The following PRIM2 variants were observed in gnomAD, a reference collection of about 807,000 sequenced individuals.
The protein encoded by PRIM2 is DNA primase subunit 2, also known as DNA primase large subunit.
A neutral mutation model predicts 67.3 loss-of-function variants in PRIM2; 39 were observed. The observed-to-expected ratio is 0.58, with a 90% confidence interval of 0.45 to 0.76. PRIM2 has a LOEUF of 0.76. Ranked by LOEUF, PRIM2 falls within the 30% of genes least tolerant of loss-of-function variation. The probability of loss-of-function intolerance (pLI) is 0.00; values close to 1 mark genes in which losing one functional copy is unlikely to be tolerated. For synonymous variants in PRIM2, 143 were observed against 198.7 expected (o/e 0.72, Z 2.36); for missense variants, 398 against 598.7 (o/e 0.66, Z 3.50).
chr6:57,316,168 TTAATA>T (rs1767477315), upstream of PRIM2, among the ~76,000 whole-genome samples: 1 of 152,224 alleles, frequency 6.6e-6, no homozygotes, highest in South Asian at 2.1e-4. Flanking sequence ...GAAAATACGT[TTAATA>T]TAATAACCTT....
chr6:57,326,299 G>A lies in PRIM2; in HGVS notation c.459+254G>A, dbSNP rs774250124. On this transcript the variant is annotated intron_variant, in intron 5 of 13. Coordinates refer to ENST00000615550, the MANE Select transcript of PRIM2 (RefSeq NM_000947.5). ...CTTTATTAAAGCACAAGAAGGTTTAGTTTATAAAGGTTCATCTTTAACCAA... is the reference window on the plus strand; with the variant it reads ...CTTTATTAAAGCACAAGAAGGTTTAATTTATAAAGGTTCATCTTTAACCAA... 5.7e-4 allele frequency: 176 copies of A among 306,106 alleles called. 1 individual carries two copies. The highest frequency in any genetic ancestry group is 8.7e-5 in the Non-Finnish European group (15 of 171,440). The allele number at this position is 306,106 out of a possible 1,614,324, so 19.0% of individuals were successfully genotyped here.
the PRIM2 span, among the ~76,000 whole-genome samples, chr6:57,271,306 G>A: frequency 6.6e-6 from 1 of 152,068 alleles, no homozygotes; most frequent in Admixed American, 6.6e-5. Flanking sequence ...CAATTTCAGA[G>A]CCTGTTATTG....
chr6:57,299,038 C>T, the PRIM2 span, among the ~76,000 whole-genome samples: 1 of 152,158 alleles, frequency 6.6e-6, no homozygotes, highest in East Asian at 1.9e-4. Context: ...GGACGATTCT[C>T]TCTGTGCCTG....
chr6:57,606,351 T>G (rs1436789985), intron 11 of PRIM2, 24 bp from the exon 12 acceptor site: 12 of 1,564,442 alleles, frequency 7.7e-6, no homozygotes, highest in Non-Finnish European at 1.0e-5. Context: ...CTTGTTTGTG[T>G]GCTGGCTTAT....
At chr6:57,415,576 A>G (rs1366830463) in intron 7 of PRIM2, among the ~76,000 whole-genome samples, 1 of 152,192 alleles carries the variant, frequency 6.6e-6, no homozygotes, top group Non-Finnish European at 1.5e-5. Context: ...GACTAATCAG[A>G]GTGGTGATTG....
At chr6:57,499,750 A>T (rs1449611852) in intron 7 of PRIM2, among the ~76,000 whole-genome samples, 1 of 152,198 alleles carries the variant, frequency 6.6e-6, no homozygotes, top group Non-Finnish European at 1.5e-5. Context: ...GAACCTAGTG[A>T]TGGGAAAGAA....
At chr6:57,355,032 G>T (rs552096129) in intron 5 of PRIM2, among the ~76,000 whole-genome samples, 26 of 152,264 alleles carry the variant, frequency 1.7e-4, no homozygotes, top group African/African-American at 5.5e-4. Flanking sequence ...GGCTGGGCGC[G>T]GTGGCTCACA....
rs1482657202 is a variant in PRIM2 at position 57,456,075 on chromosome 6, G to C, written c.694-51312G>C. ...AGTTTGGCTGGATATGAAATTCTGGGTTGAAAATTCTTTTCTTTAAGAATG... is the reference window on the plus strand; with the variant it reads ...AGTTTGGCTGGATATGAAATTCTGGCTTGAAAATTCTTTTCTTTAAGAATG... On this transcript the variant is annotated intron_variant, in intron 7 of 13. Coordinates refer to ENST00000615550, the MANE Select transcript of PRIM2 (RefSeq NM_000947.5). Among the ~76,000 whole-genome samples the C allele has an allele frequency of 4.6e-5, 7 of 152,162 alleles. No homozygotes were observed. The East Asian group carries it at 1.4e-3, about 29-fold the overall frequency.
rs1156547113 is a variant in PRIM2, at chr6:57,537,431, T to C, written c.835-9T>C. The C allele has an allele frequency of 7.4e-7, 1 of 1,351,632 alleles. No individual in the cohort carries two copies. Among genetic ancestry groups the C allele is most frequent in the African/African-American group, 1.4e-5 (1 of 68,968 alleles). The allele number at this position is 1,351,632 out of a possible 1,614,324, so 83.7% of individuals were successfully genotyped here. A position where few individuals can be genotyped will look rare whatever the true frequency, so the allele number is the denominator to read the frequency against. ...CTTAACTTAAAACTCTACTATTTTT[T>C]TCTTGTAGCTTTCTACCAAATCCTT... On this transcript the variant is annotated splice_polypyrimidine_tract_variant and intron_variant, in intron 9 of 13. Transcript: ENST00000615550.
intron 7 of PRIM2, among the ~76,000 whole-genome samples, chr6:57,481,670 A>C (rs1487586720): frequency 2.6e-5 from 4 of 152,132 alleles, no homozygotes; most frequent in Non-Finnish European, 5.9e-5. Flanking sequence ...TTTTTAAAGA[A>C]ACTGCCAAAT....
the PRIM2 span, among the ~76,000 whole-genome samples, chr6:57,299,884 A>C: frequency 6.6e-6 from 1 of 152,140 alleles, no homozygotes; most frequent in Non-Finnish European, 1.5e-5. Flanking sequence ...GAGGGGTTTA[A>C]TTTATTCTGC....
intron 7 of PRIM2, among the ~76,000 whole-genome samples, chr6:57,424,061 T>A (rs1771546226): frequency 6.6e-6 from 1 of 152,346 alleles, no homozygotes; most frequent in African/African-American, 2.4e-5. Context: ...TAGGTAAGGA[T>A]GGGCACAGTT....
chr6:57,537,343 T>C lies in PRIM2; in HGVS notation c.835-97T>C, dbSNP rs1209191020. 1.2e-5 allele frequency: 7 copies of C among 592,946 alleles called. No individual in the cohort carries two copies. The East Asian group carries it at 2.0e-4, about 17-fold the overall frequency. 36.7% of individuals were successfully genotyped at this position (592,946 alleles called of 1,614,324 possible). A position where few individuals can be genotyped will look rare whatever the true frequency, so the allele number is the denominator to read the frequency against. ...GCACTTTCTTATGGTGTTTTTTTTT[T>C]ATTCCAATTAAATTGAATTAGGAAC... On this transcript the variant is annotated intron_variant, in intron 9 of 13. Transcript: ENST00000615550.
chr6:57,360,141 T>C (rs537865681), intron 5 of PRIM2, among the ~76,000 whole-genome samples: 1 of 152,340 alleles, frequency 6.6e-6, no homozygotes, highest in East Asian at 1.9e-4. Flanking sequence ...ACAGTCCTTT[T>C]TGCTTGCTAA....
At chr6:57,371,647 GA>G (rs1439072472) in intron 5 of PRIM2, among the ~76,000 whole-genome samples, 5 of 152,096 alleles carry the variant, frequency 3.3e-5, no homozygotes, top group Non-Finnish European at 7.4e-5. Context: ...TTTAATTTCA[GA>G]TAAATGTTTA....
At chr6:57,527,227 A>G (rs1774775663) in intron 8 of PRIM2, among the ~76,000 whole-genome samples, 1 of 152,170 alleles carries the variant, frequency 6.6e-6, no homozygotes, top group African/African-American at 2.4e-5. Flanking sequence ...GAGTGAAGAA[A>G]ATTTATTATC....
chr6:57,493,217 T>A (rs1305554425), intron 7 of PRIM2, among the ~76,000 whole-genome samples: 1 of 152,210 alleles, frequency 6.6e-6, no homozygotes, highest in Non-Finnish European at 1.5e-5. Flanking sequence ...CAAAAAATCA[T>A]CTGTCTTGAT....
the PRIM2 span, among the ~76,000 whole-genome samples, chr6:57,227,043 C>CT: frequency 2.3e-4 from 35 of 152,144 alleles, no homozygotes; most frequent in South Asian, 6.9e-3. Flanking sequence ...AGGGCCCTTA[C>CT]TAACAAAGAA....
At chr6:57,348,142 T>C (rs908634638) in intron 5 of PRIM2, among the ~76,000 whole-genome samples, 1 of 152,066 alleles carries the variant, frequency 6.6e-6, no homozygotes, top group Non-Finnish European at 1.5e-5. Flanking sequence ...GGGAAAACAT[T>C]ATATTCATCC....
Sources: allele counts gnomAD v4.1 joint callset (sites outside exome capture counted in the v4.1 genomes callset), GRCh38; gene constraint gnomAD v4.1.1; transcripts MANE v1.5; gene names NCBI Gene and HGNC (gene_info 2026-07-23, HGNC 2026-07-21).